MTRF1: variants seen among roughly 807,000 people sequenced by gnomAD.
The protein encoded by MTRF1 is mitochondrial translation release factor 1.
Under a neutral mutation model 62.9 loss-of-function variants are expected in MTRF1, and 51 were observed. The observed-to-expected ratio is 0.81, with a 90% CI of 0.65 to 1.02. The LOEUF is 1.02. MTRF1 is among the 50% of genes least tolerant of loss of function. MTRF1 has a pLI of 0.00. For synonymous variants in MTRF1, 158 were observed against 181.9 expected (o/e 0.87, Z 1.06); for missense variants, 446 against 530.0 (o/e 0.84, Z 1.56).
the MTRF1 span, among the ~76,000 whole-genome samples, chr13:41,309,891 G>A: frequency 6.6e-6 from 1 of 152,176 alleles, no homozygotes; most frequent in Non-Finnish European, 1.5e-5. Context: ...TGCTACTTGG[G>A]AGGCTGAGGC....
intron 5 of MTRF1, among the ~76,000 whole-genome samples, chr13:41,250,726 G>C (rs373023337): frequency 1.3e-5 from 2 of 152,010 alleles, no homozygotes; most frequent in East Asian, 3.9e-4. Context: ...ACTGTCTCCC[G>C]AAGTGCTGGG....
At chr13:41,272,973 T>C in the MTRF1 span, among the ~76,000 whole-genome samples, 2 of 152,136 alleles carry the variant, frequency 1.3e-5, no homozygotes, top group Non-Finnish European at 2.9e-5. Context: ...TCCCATGGAT[T>C]TGAGCCATAA....
intron 8 of MTRF1, among the ~76,000 whole-genome samples, chr13:41,225,771 T>C (rs540497546): frequency 7.0e-5 from 10 of 142,782 alleles, no homozygotes; most frequent in African/African-American, 2.6e-4. Flanking sequence ...ATTACGCCAC[T>C]GCACTCCAGC....
the MTRF1 span, among the ~76,000 whole-genome samples, chr13:41,301,940 T>G: frequency 2.0e-5 from 3 of 152,156 alleles, no homozygotes; most frequent in Non-Finnish European, 4.4e-5. Flanking sequence ...GGCTATTTGA[T>G]GAGATTCCTA....
At chr13:41,279,401 C>T in the MTRF1 span, among the ~76,000 whole-genome samples, 160 of 152,330 alleles carry the variant, frequency 1.1e-3, no homozygotes, top group Non-Finnish European at 1.9e-3. Flanking sequence ...TTAACCGTAA[C>T]CCAAACGTTC....
At chr13:41,281,453 T>C in the MTRF1 span, among the ~76,000 whole-genome samples, 1 of 152,156 alleles carries the variant, frequency 6.6e-6, no homozygotes, top group Non-Finnish European at 1.5e-5. Context: ...AGAGTCAATG[T>C]CTATTCCTGT....
intron 5 of MTRF1, among the ~76,000 whole-genome samples, chr13:41,247,506 G>A (rs905808518): frequency 2.6e-5 from 4 of 152,238 alleles, no homozygotes; most frequent in South Asian, 2.1e-4. Flanking sequence ...TTAAGCTTTC[G>A]ATAATCCATC....
chr13:41,241,700 G>C lies in MTRF1; in HGVS notation c.698-1267C>G, dbSNP rs115408335. On this transcript the variant is annotated intron_variant, in intron 5 of 9. Transcript: ENST00000379480. ...TCCATTGCTTTCATTTCCTACAAAT[G>C]ATCTGGTGAAGAACTTGGGCTGCTG... Among the ~76,000 whole-genome samples the C allele has an allele frequency of 4.6e-3, 704 of 152,304 alleles. 5 individuals carry two copies. The highest frequency in any genetic ancestry group is 0.016 in the African/African-American group (649 of 41,578).
At chr13:41,300,154 T>A in the MTRF1 span, among the ~76,000 whole-genome samples, 6 of 152,154 alleles carry the variant, frequency 3.9e-5, no homozygotes, top group Non-Finnish European at 7.3e-5. Flanking sequence ...ACCTTAAGAA[T>A]GAGATGCAGA....
chr13:41,244,313 G>A (rs1283782487), intron 5 of MTRF1, among the ~76,000 whole-genome samples: 1 of 152,186 alleles, frequency 6.6e-6, no homozygotes, highest in African/African-American at 2.4e-5. Context: ...AAGTCTCAAG[G>A]TCTTTGTTTC....
intron 7 of MTRF1, among the ~76,000 whole-genome samples, chr13:41,231,341 A>T (rs2035521065): frequency 6.6e-6 from 1 of 152,228 alleles, no homozygotes; most frequent in Non-Finnish European, 1.5e-5. Context: ...ATAATAACAA[A>T]TAGATCCTCA....
chr13:41,279,498 G>A, the MTRF1 span, among the ~76,000 whole-genome samples: 9 of 152,228 alleles, frequency 5.9e-5, no homozygotes, highest in East Asian at 1.3e-3. Flanking sequence ...TAACCTGGAA[G>A]CCTCCCTTCT....
At chr13:41,289,518 G>A in the MTRF1 span, among the ~76,000 whole-genome samples, 1 of 152,212 alleles carries the variant, frequency 6.6e-6, no homozygotes, top group Non-Finnish European at 1.5e-5. Context: ...TTACAGGCGT[G>A]AGCCGCCGTG....
Position 41,240,300 on chromosome 13 carries a change from T to C in MTRF1, c.831A>G (p.Thr277=), listed in dbSNP as rs765688289. ...GLSSRMQRIH[T]GTMSVIVLPQ... ...GAAGGACAATAACCGACATCGTTCCTGTGTGAATGCGCTGCATCCTTGAGG... is the reference window on the plus strand; with the variant it reads ...GAAGGACAATAACCGACATCGTTCCCGTGTGAATGCGCTGCATCCTTGAGG... Residue 277 remains threonine, a synonymous_variant, in exon 6 of 10, where the codon ACA becomes ACG. Coordinates refer to ENST00000379480, the MANE Select transcript of MTRF1 (RefSeq NM_004294.4). The C allele has an allele frequency of 6.2e-7, 1 of 1,612,218 alleles. No homozygotes were observed. Among genetic ancestry groups the C allele is most frequent in the Non-Finnish European group, 8.5e-7 (1 of 1,179,144 alleles).
At chr13:41,308,061 G>A in the MTRF1 span, among the ~76,000 whole-genome samples, 1 of 152,084 alleles carries the variant, frequency 6.6e-6, no homozygotes, top group Non-Finnish European at 1.5e-5. Context: ...GCAGTGGGTC[G>A]GAGGCTGCAG....
chr13:41,234,014 C>T lies in MTRF1; in HGVS notation c.871-7G>A, dbSNP rs758234281. The T allele has an allele frequency of 3.1e-6, 5 of 1,591,904 alleles. No individual in the cohort carries two copies. Among genetic ancestry groups the T allele is most frequent in the African/African-American group, 1.3e-5 (1 of 74,502 alleles). ...GGTCCAATTTCACATCCACCTAGAA[C>T]AGAAGGCATGGCATAATTCTACACT... On this transcript the variant is annotated splice_region_variant and splice_polypyrimidine_tract_variant and intron_variant, in intron 6 of 9. Transcript: ENST00000379480.
At chr13:41,258,816 C>T (rs1314950516) in intron 2 of MTRF1, among the ~76,000 whole-genome samples, 3 of 152,004 alleles carry the variant, frequency 2.0e-5, no homozygotes, top group Non-Finnish European at 2.9e-5. Flanking sequence ...CTTCAAAAGA[C>T]AGTATCAAAA....
At chr13:41,226,152 T>G (rs992007046) in intron 8 of MTRF1, among the ~76,000 whole-genome samples, 3 of 152,316 alleles carry the variant, frequency 2.0e-5, no homozygotes, top group East Asian at 3.9e-4. Context: ...TTTTAAACCG[T>G]TTTCTTCTTA....
chr13:41,283,202 A>C, the MTRF1 span, among the ~76,000 whole-genome samples: 1 of 152,090 alleles, frequency 6.6e-6, no homozygotes, highest in East Asian at 1.9e-4. Flanking sequence ...TCTTAGGGGG[A>C]AAAGTTTTCT....
Sources: gnomAD v4.1 joint callset for allele counts (sites outside exome capture counted in the v4.1 genomes callset) on GRCh38, gnomAD v4.1.1 for gene constraint, MANE v1.5 for transcripts, NCBI Gene and HGNC (gene_info 2026-07-23, HGNC 2026-07-21) for gene names.